DIS3: variants seen among roughly 807,000 people sequenced by gnomAD.
The protein encoded by DIS3 is exosome complex exonuclease RRP44.
Under a neutral mutation model 113.0 loss-of-function variants are expected in DIS3, and 103 were observed. The ratio of observed to expected loss-of-function variants is 0.91; its 90% CI spans 0.78 to 1.07. The LOEUF is 1.07. Among genes scored for constraint, DIS3 ranks in the 50% least tolerant of loss-of-function variants. The pLI, the probability that DIS3 is intolerant of heterozygous loss-of-function variation, is 0.00. For missense variants in DIS3, 1,121 were observed against 1,167.1 expected, an observed-to-expected ratio of 0.96 and a Z score of 0.58; for synonymous variants, 402 against 394.3, an observed-to-expected ratio of 1.02 and a Z score of -0.23.
chr13:72,755,514 T>G lies in DIS3; in HGVS notation c.*4281A>C, dbSNP rs75805370. On this transcript the variant is annotated 3_prime_UTR_variant, in exon 21 of 21. Transcript: ENST00000377767. ...GAGTGCTCCTATCTTACAGGGTCAA[T>G]GAACTACTTATTAAGCCTTACTGGT... The G allele has an allele frequency of 0.01, 4,063 of 393,562 alleles. 145 individuals carry two copies. Among genetic ancestry groups the G allele is most frequent in the African/African-American group, 0.069 (3,401 of 48,942 alleles). 24.4% of individuals were successfully genotyped at this position (393,562 alleles called of 1,614,324 possible).
chr13:72,760,525 T>C lies in DIS3; in HGVS notation c.2793+4A>G. ...CAACAAGGAAATTTTAAGTTTGGCC[T>C]TACCTGTGGTTCTACCAGGGACATT... On this transcript the variant is annotated splice_donor_region_variant and intron_variant, in intron 20 of 20. Transcript: ENST00000377767. 6.2e-7 allele frequency: 1 copy of C among 1,613,422 alleles called. No individual in the cohort carries two copies. The highest frequency in any genetic ancestry group is 8.5e-7 in the Non-Finnish European group (1 of 1,179,562).
chr13:72,761,778 C>T lies in DIS3; in HGVS notation c.2379G>A (p.Val793=). 17 of 1,613,272 alleles carry T rather than the reference C, an allele frequency of 1.1e-5. No individual in the cohort carries two copies. Among genetic ancestry groups the T allele is most frequent in the Non-Finnish European group, 1.4e-5 (16 of 1,179,848 alleles). Residue 793 remains valine (V), a synonymous_variant, in exon 18 of 21, where the codon GTG becomes GTA. Transcript: ENST00000377767. ...GATAAGTACAGTCAGCCCCAATAGC[C>T]ACAGCCAAAAGCCGATGAACAATGA... The part of the protein sequence containing the change: ...ADVIVHRLLA[V]AIGADCTYPE...
intron 8 of DIS3, among the ~76,000 whole-genome samples, chr13:72,773,295 C>T (rs2033929998): frequency 6.6e-6 from 1 of 152,176 alleles, no homozygotes; most frequent in East Asian, 1.9e-4. Flanking sequence ...CACAGCGAAA[C>T]CCTATGTCTA....
At chr13:72,773,597 A>G in intron 8 of DIS3, 87 bp downstream of exon 8, 4 of 1,404,272 alleles carry the variant, frequency 2.8e-6, no homozygotes, top group Non-Finnish European at 3.8e-6. Flanking sequence ...TTCTACATAA[A>G]AGTAGATTGT....
chr13:72,776,305 T>C (rs575484445), intron 4 of DIS3, among the ~76,000 whole-genome samples: 1 of 152,294 alleles, frequency 6.6e-6, no homozygotes, highest in African/African-American at 2.4e-5. Flanking sequence ...TCTAATATGG[T>C]AGCCACTAGA....
chr13:72,752,556 GATGAAT>G lies in DIS3; in HGVS notation c.*7233_*7238del, dbSNP rs1243771018. On this transcript the variant is annotated 3_prime_UTR_variant, in exon 21 of 21. Coordinates refer to ENST00000377767, the MANE Select transcript of DIS3 (RefSeq NM_014953.5). The stretch of plus-strand genomic sequence containing the variant: ...CATTATAAGCCAGCTATTTGGCAGT[GATGAAT>G]ATTAGAAGGAAGAGCTATTGGCAGA... 6.6e-6 allele frequency: 1 copy of G among 152,210 alleles called. No individual in the cohort carries two copies. Among genetic ancestry groups the G allele is most frequent in the African/African-American group, 2.4e-5 (1 of 41,464 alleles). 9.4% of individuals were successfully genotyped at this position (152,210 alleles called of 1,614,324 possible).
At position 72,773,871 on chromosome 13, in the gene DIS3, G is replaced by A. The variant is rs1166813703; in HGVS notation, c.1102-50C>T. ...TTTACACAAAAAAAATCTGAGGATGGAGGCAAAAGAAAGGCTATAAGTTCT... is the reference window on the plus strand; with the variant it reads ...TTTACACAAAAAAAATCTGAGGATGAAGGCAAAAGAAAGGCTATAAGTTCT... On this transcript the variant is annotated intron_variant, in intron 7 of 20. Transcript: ENST00000377767. 4 of 1,596,058 alleles carry A rather than the reference G, an allele frequency of 2.5e-6. No individual in the cohort carries two copies. The Admixed American group carries it at 7.2e-5, about 29-fold the overall frequency.
chr13:72,778,630 T>C (rs1260443582), intron 2 of DIS3, among the ~76,000 whole-genome samples: 2 of 152,200 alleles, frequency 1.3e-5, no homozygotes, highest in Non-Finnish European at 2.9e-5. Context: ...AATACAATTT[T>C]ATTTCCTAAA....
At chr13:72,781,353 C>A (rs1179237302) in intron 1 of DIS3, 45 of 1,551,200 alleles carry the variant, frequency 2.9e-5, no homozygotes, top group East Asian at 7.3e-5. Context: ...CAGGCACTTA[C>A]AATCTAAGGC....
At position 72,772,746 on chromosome 13, in the gene DIS3, A is replaced by T. The variant is rs751340932; in HGVS notation, c.1333T>A (p.Ser445Thr). 5 of 1,612,698 alleles carry T rather than the reference A, an allele frequency of 3.1e-6. No individual in the cohort carries two copies. The highest frequency in any genetic ancestry group is 4.2e-6 in the Non-Finnish European group (5 of 1,179,556). ...LEHDVPHQPF[S>T]QAVLSFLPKM... ...GGCAGAAAACTAAGAACAGCCTGTG[A>T]AAAAGGCTGATGGGGAACATCGTGT... Residue 445 changes from serine to threonine, a missense_variant, in exon 9 of 21, where the codon TCA becomes ACA. By Grantham distance (58) the Ser-to-Thr change is moderately conservative. Coordinates refer to ENST00000377767, the MANE Select transcript of DIS3 (RefSeq NM_014953.5).
intron 14 of DIS3, among the ~76,000 whole-genome samples, chr13:72,768,068 C>T (rs1298018220): frequency 6.6e-6 from 1 of 152,142 alleles, no homozygotes; most frequent in African/African-American, 2.4e-5. Context: ...TCCTTTTATG[C>T]AACTTTTAAT....
In DIS3 at chr13:72,780,847, T is replaced by C. The variant is rs2034173630; in HGVS notation, c.385A>G (p.Arg129Gly). The C allele has an allele frequency of 1.9e-6, 3 of 1,603,646 alleles. No individual in the cohort carries two copies. The highest frequency in any genetic ancestry group is 4.5e-5 in the East Asian group (2 of 44,766). The change falls in exon 2 of 21, where the codon AGA becomes GGA. Residue 129 changes from arginine to glycine, a missense_variant and splice_region_variant. Arg to Gly is a moderately radical substitution (Grantham distance 125). Transcript: ENST00000377767. Reference protein sequence around the residue: ...HFYTFTNEHHRETYVEQEQGE... With the variant: ...HFYTFTNEHHGETYVEQEQGE... The stretch of plus-strand genomic sequence containing the variant: ...TATTTAACGTAATATTCCTCCTACC[T>C]ATGGTGCTCATTAGTGAAAGTATAG...
intron 16 of DIS3, among the ~76,000 whole-genome samples, chr13:72,762,828 A>T (rs1266574608): frequency 1.3e-5 from 2 of 149,610 alleles, no homozygotes; most frequent in Admixed American, 6.6e-5. Flanking sequence ...TGAAGTAAAT[A>T]AATAAAAAAA....
rs2033626668 is a variant in DIS3, at chr13:72,761,663, C to A, written c.2494G>T (p.Val832Leu). The A allele has an allele frequency of 6.2e-7, 1 of 1,605,144 alleles. No homozygotes were observed. The highest frequency in any genetic ancestry group is 8.5e-7 in the Non-Finnish European group (1 of 1,177,650). ...GCAAATACCTGGGTATGAAAAGCCA[C>A]TGATGCACGTTGGGCATATTGAGCC... Reference protein sequence around the residue: ...KMAQYAQRASVAFHTQLFFKS... With the variant: ...KMAQYAQRASLAFHTQLFFKS... The change falls in exon 18 of 21, where the codon GTG becomes TTG. Residue 832 changes from valine (V) to leucine (L), a missense_variant. Physicochemically the swap from Val to Leu is conservative, Grantham distance 32 (BLOSUM62 1). This residue lies in a region of DIS3 where 861 missense variants were observed against 915.5 expected (regional missense o/e 0.94). Transcript: ENST00000377767.
Position 72,778,253 on chromosome 13 carries a change from T to C in DIS3, c.514A>G (p.Ile172Val), listed in dbSNP as rs564224545. The change falls in exon 3 of 21, where the codon ATC (isoleucine) becomes GTC (valine). Residue 172 changes from isoleucine to valine, a missense_variant. Coordinates refer to ENST00000377767, the MANE Select transcript of DIS3 (RefSeq NM_014953.5). ...TTTCTCCTGTCATTTGTTATGAAGATAACTTGCAGCTGGTTGTCTGCTGAC... is the reference window on the plus strand; with the variant it reads ...TTTCTCCTGTCATTTGTTATGAAGACAACTTGCAGCTGGTTGTCTGCTGAC... Reference protein sequence around the residue: ...KMSADNQLQVIFITNDRRNKE... With the variant: ...KMSADNQLQVVFITNDRRNKE... 2 of 1,609,250 alleles carry C rather than the reference T, an allele frequency of 1.2e-6. No individual in the cohort carries two copies. Among genetic ancestry groups the C allele is most frequent in the East Asian group, 2.2e-5 (1 of 44,806 alleles).
chr13:72,763,818 C>G (rs1292969628), intron 15 of DIS3, among the ~76,000 whole-genome samples: 3 of 152,192 alleles, frequency 2.0e-5, no homozygotes, highest in African/African-American at 7.2e-5. Flanking sequence ...TATGCAACTA[C>G]TGCATGAGTA....
chr13:72,775,881 A>AT (rs2034002827), intron 5 of DIS3, 44 bp downstream of exon 5: 1 of 1,457,088 alleles, frequency 6.9e-7, no homozygotes, highest in African/African-American at 1.5e-5. Flanking sequence ...TATATAAAAT[A>AT]TCATCTTTAT....
chr13:72,778,074 A>T lies in DIS3; in HGVS notation c.580+113T>A, dbSNP rs551809839. On this transcript the variant is annotated intron_variant, in intron 3 of 20. Coordinates refer to ENST00000377767, the MANE Select transcript of DIS3 (RefSeq NM_014953.5). ...AAATACAAAAATATCACATGAAGTTATATAGGACTACGAAAATACTAAATA... is the reference window on the plus strand; with the variant it reads ...AAATACAAAAATATCACATGAAGTTTTATAGGACTACGAAAATACTAAATA... 6.4e-6 allele frequency: 6 copies of T among 935,444 alleles called. 1 individual carries two copies. The East Asian group carries it at 1.1e-4, about 17-fold the overall frequency. 57.9% of individuals were successfully genotyped at this position (935,444 alleles called of 1,614,324 possible).
At position 72,778,452 on chromosome 13, in the gene DIS3, A is replaced by G. The variant is rs1229632471; in HGVS notation, c.387-72T>C. ...GGATATGTGAAAACTCTTAGCACAT[A>G]AATGCTTAACCACTAAACTAGAAAA... On this transcript the variant is annotated intron_variant, in intron 2 of 20. Coordinates refer to ENST00000377767, the MANE Select transcript of DIS3 (RefSeq NM_014953.5). 3 of 1,294,558 alleles carry G rather than the reference A, an allele frequency of 2.3e-6. No individual in the cohort carries two copies. In the African/African-American group the frequency reaches 4.4e-5, roughly 19 times the overall value. 80.2% of individuals were successfully genotyped at this position (1,294,558 alleles called of 1,614,324 possible).
Sources: gnomAD v4.1 joint callset for allele counts (sites outside exome capture counted in the v4.1 genomes callset) on GRCh38, gnomAD v4.1.1 for gene constraint, gnomAD v4.1.1 regional missense constraint, MANE v1.5 for transcripts, NCBI Gene and HGNC (gene_info 2026-07-23, HGNC 2026-07-21) for gene names.